Variants in KIF4A observed in about 807,000 individuals in gnomAD.
KIF4A encodes chromosome-associated kinesin KIF4A.
Under a neutral mutation model 105.9 loss-of-function variants are expected in KIF4A, and 7 were observed. That is an observed-to-expected ratio of 0.07 (90% CI 0.04 to 0.12). The LOEUF is 0.12. Ranked by LOEUF, KIF4A falls within the 10% of genes least tolerant of loss-of-function variation. The pLI, the probability that KIF4A is intolerant of heterozygous loss-of-function variation, is 1.00. For synonymous variants in KIF4A, 281 were observed against 331.3 expected, an observed-to-expected ratio of 0.85 and a Z score of 1.65; for missense variants, 558 against 929.2, an observed-to-expected ratio of 0.60 and a Z score of 5.19.
chrX:70,355,515 A>G (rs760740101), intron 15 of KIF4A, among the ~76,000 whole-genome samples: 22 of 112,038 alleles, frequency 2.0e-4, no homozygotes, highest in African/African-American at 6.5e-5. Flanking sequence ...TTGCACTTCT[A>G]TCAAGTTCCC....
chrX:70,392,811 C>A, intron 20 of KIF4A, among the ~76,000 whole-genome samples: 1 of 106,242 alleles, frequency 9.4e-6, no homozygotes, highest in East Asian at 2.9e-4. Context: ...AAACAACTCC[C>A]AATTCATTAA....
chrX:70,355,071 G>A (rs111811627), intron 15 of KIF4A, among the ~76,000 whole-genome samples: 1,241 of 111,573 alleles, frequency 0.011, 15 homozygotes, highest in African/African-American at 0.032. Context: ...AACAGTCAGG[G>A]TCTTCTGCCT....
At chrX:70,291,023 GTA>G (rs1347850752) in intron 3 of KIF4A, among the ~76,000 whole-genome samples, 1 of 110,933 alleles carries the variant, frequency 9.0e-6, no homozygotes, top group African/African-American at 3.3e-5. Context: ...TCTTTGACTT[GTA>G]TATGTTTGTT....
chrX:70,345,321 A>G (rs1237853966), intron 13 of KIF4A, among the ~76,000 whole-genome samples: 3 of 110,760 alleles, frequency 2.7e-5, no homozygotes, highest in African/African-American at 9.9e-5. Flanking sequence ...AAAATTAGCC[A>G]GGTGTAGTGG....
chrX:70,359,276 A>G (rs1266638271), intron 15 of KIF4A, among the ~76,000 whole-genome samples: 1 of 111,401 alleles, frequency 9.0e-6, no homozygotes, highest in Non-Finnish European at 1.9e-5. Flanking sequence ...CCATGTTAAT[A>G]GGACATACAA....
rs142627163 is a variant in KIF4A, at chrX:70,377,389, T to C, written c.2034+1179T>C. The stretch of plus-strand genomic sequence containing the variant: ...ACCCAGCCCCTACTTTAATAATGGA[T>C]AGAACAATAGGCACAAGATCAGCAA... On this transcript the variant is annotated intron_variant, in intron 18 of 30. Transcript: ENST00000374403. 1.8e-4 allele frequency among the ~76,000 whole-genome samples: 20 copies of C among 111,505 alleles called. No homozygotes were observed. The East Asian group carries it at 5.6e-3, about 31-fold the overall frequency.
chrX:70,397,999 C>A (rs1479213138), intron 22 of KIF4A, among the ~76,000 whole-genome samples: 1 of 111,727 alleles, frequency 9.0e-6, no homozygotes, highest in East Asian at 2.8e-4. Context: ...ACAAAAGTTA[C>A]AAATCAGGGC....
chrX:70,396,687 A>G (rs913685322), intron 22 of KIF4A, among the ~76,000 whole-genome samples: 2 of 112,563 alleles, frequency 1.8e-5, no homozygotes, highest in Non-Finnish European at 3.7e-5. Flanking sequence ...TTTAGAGATC[A>G]TCAAGAAAAT....
At chrX:70,392,337 G>A (rs2086240569) in intron 20 of KIF4A, among the ~76,000 whole-genome samples, 1 of 111,917 alleles carries the variant, frequency 8.9e-6, no homozygotes, top group African/African-American at 3.2e-5. Context: ...GGAGAGGGAT[G>A]TTAAATAAAG....
intron 15 of KIF4A, among the ~76,000 whole-genome samples, chrX:70,356,843 A>G (rs2086053550): frequency 8.9e-6 from 1 of 111,996 alleles, no homozygotes; most frequent in Non-Finnish European, 1.9e-5. Flanking sequence ...CAAAATGGTT[A>G]TATCACCCTT....
chrX:70,321,772 C>T (rs765513100), intron 7 of KIF4A, among the ~76,000 whole-genome samples: 1 of 110,874 alleles, frequency 9.0e-6, no homozygotes, highest in Admixed American at 9.6e-5. Flanking sequence ...TTTTTGTCAC[C>T]CCTCCATCCT....
intron 15 of KIF4A, among the ~76,000 whole-genome samples, chrX:70,357,606 A>G (rs190623709): frequency 1.8e-5 from 2 of 112,236 alleles, no homozygotes; most frequent in African/African-American, 6.5e-5. Context: ...TATACATGAA[A>G]GGGAAATACT....
At chrX:70,383,368 G>C (rs186537998) in intron 18 of KIF4A, among the ~76,000 whole-genome samples, 2 of 112,049 alleles carry the variant, frequency 1.8e-5, no homozygotes, top group East Asian at 5.6e-4. Flanking sequence ...CAAAAAGACA[G>C]ATAATAATAA....
chrX:70,356,064 G>C (rs756147743), intron 15 of KIF4A, among the ~76,000 whole-genome samples: 42 of 111,150 alleles, frequency 3.8e-4, no homozygotes, highest in Non-Finnish European at 7.3e-4. Context: ...CAGATCACTT[G>C]AGCCCAGGAG....
At chrX:70,379,438 G>A (rs1395365791) in intron 18 of KIF4A, among the ~76,000 whole-genome samples, 1 of 111,512 alleles carries the variant, frequency 9.0e-6, no homozygotes, top group Non-Finnish European at 1.9e-5. Flanking sequence ...TTCCCACAAA[G>A]AAAATTCCAG....
intron 15 of KIF4A, among the ~76,000 whole-genome samples, chrX:70,361,994 T>C (rs1426373064): frequency 8.9e-6 from 1 of 112,261 alleles, no homozygotes; most frequent in Non-Finnish European, 1.9e-5. Context: ...ACCAGAGACT[T>C]CATGAATAAG....
Position 70,405,912 on chromosome X carries a change from C to T in KIF4A, c.2976+7C>T, listed in dbSNP as rs1381535624. 1 of 1,189,313 alleles carries T rather than the reference C, an allele frequency of 8.4e-7. No individual in the cohort carries two copies. Among genetic ancestry groups the T allele is most frequent in the African/African-American group, 1.8e-5 (1 of 56,708 alleles). Reference sequence around the variant, plus strand: ...GAATGAAATCATCAAGCAGGTAATACAGTTTCCCACCCACTTGATAAGCCC... The same window carrying T: ...GAATGAAATCATCAAGCAGGTAATATAGTTTCCCACCCACTTGATAAGCCC... On this transcript the variant is annotated splice_region_variant and intron_variant, in intron 26 of 30. Coordinates refer to ENST00000374403, the MANE Select transcript of KIF4A (RefSeq NM_012310.5).
chrX:70,333,719 T>TACACA, intron 10 of KIF4A, 30 bp downstream of exon 10: 1 of 987,371 alleles, frequency 1.0e-6, no homozygotes, highest in Non-Finnish European at 1.4e-6. Context: ...TTGAATTGTG[T>TACACA]ATTCTAATAG....
At chrX:70,333,119 A>G (rs944785413) in intron 9 of KIF4A, among the ~76,000 whole-genome samples, 9 of 110,269 alleles carry the variant, frequency 8.2e-5, no homozygotes, top group African/African-American at 3.0e-4. Flanking sequence ...TAGGTGGATC[A>G]ATTGAGGTCA....
Sources: gnomAD v4.1 joint callset for allele counts (sites outside exome capture counted in the v4.1 genomes callset) on GRCh38, gnomAD v4.1.1 for gene constraint, MANE v1.5 for transcripts, NCBI Gene and HGNC (gene_info 2026-07-23, HGNC 2026-07-21) for gene names.